Variants in IRF4 observed in about 807,000 individuals in gnomAD.
IRF4 encodes interferon regulatory factor 4, also known as lymphocyte-specific interferon regulatory factor.
In IRF4, 13 loss-of-function variants were observed where a neutral mutation model predicts 55.5. The observed-to-expected ratio is 0.23, with a 90% CI of 0.15 to 0.37. IRF4 has a LOEUF of 0.37. IRF4 is among the 10% of genes least tolerant of loss of function. The probability of loss-of-function intolerance (pLI) is 1.00; values close to 1 mark genes in which losing one functional copy is unlikely to be tolerated. For synonymous variants in IRF4, 249 were observed against 240.7 expected, an observed-to-expected ratio of 1.03 and a Z score of -0.32; for missense variants, 397 against 593.8, an observed-to-expected ratio of 0.67 and a Z score of 3.44.
intron 7 of IRF4, among the ~76,000 whole-genome samples, chr6:403,214 T>G (rs1028976269): frequency 6.6e-6 from 1 of 152,140 alleles, no homozygotes; most frequent in African/African-American, 2.4e-5. Context: ...TTCTTGGGGT[T>G]GGGCATGGTG....
chr6:401,894 C>T lies in IRF4; in HGVS notation c.1099+117C>T, dbSNP rs186297524. 1,472 of 853,236 alleles carry T rather than the reference C, an allele frequency of 1.7e-3. 21 individuals carry two copies. In the African/African-American group the frequency reaches 0.022, roughly 13 times the overall value. 52.9% of individuals were successfully genotyped at this position (853,236 alleles called of 1,614,324 possible). ...GAGGTCTTCCTCCTGTTGACTTCGGCGCCCACTGGGCTTGGGGCTTGACTC... is the reference window on the plus strand; with the variant it reads ...GAGGTCTTCCTCCTGTTGACTTCGGTGCCCACTGGGCTTGGGGCTTGACTC... On this transcript the variant is annotated intron_variant, in intron 7 of 8. Coordinates refer to ENST00000380956, the MANE Select transcript of IRF4 (RefSeq NM_002460.4).
In IRF4 at chr6:397,111, G is replaced by A. The variant is rs1236751116; in HGVS notation, c.496G>A (p.Val166Ile). ...AGCCTCTCCTGCACTCCTTTAGCAGGTTCACAACTACATGATGCCACCCCT... is the reference window on the plus strand; with the variant it reads ...AGCCTCTCCTGCACTCCTTTAGCAGATTCACAACTACATGATGCCACCCCT... ...TPYPSLPAQQ[V>I]HNYMMPPLDR... Residue 166 changes from valine to isoleucine, a missense_variant, in exon 5 of 9, where the codon GTT becomes ATT. Val to Ile is a conservative substitution (Grantham distance 29, BLOSUM62 3). Coordinates refer to ENST00000380956, the MANE Select transcript of IRF4 (RefSeq NM_002460.4). 1.9e-6 allele frequency: 3 copies of A among 1,613,988 alleles called. No individual in the cohort carries two copies. Among genetic ancestry groups the A allele is most frequent in the Non-Finnish European group, 2.5e-6 (3 of 1,180,048 alleles).
At chr6:406,009 T>C (rs1306832953) in intron 8 of IRF4, among the ~76,000 whole-genome samples, 2 of 152,222 alleles carry the variant, frequency 1.3e-5, no homozygotes, top group South Asian at 2.1e-4. Flanking sequence ...CTATTTCTCA[T>C]TGAGAACTGA....
At chr6:403,085 A>G (rs1324888325) in intron 7 of IRF4, among the ~76,000 whole-genome samples, 2 of 152,266 alleles carry the variant, frequency 1.3e-5, no homozygotes, top group Admixed American at 6.5e-5. Flanking sequence ...GACCATAGGA[A>G]GAGGGAGAAC....
At chr6:406,798 T>G (rs1761557589) in intron 8 of IRF4, 2 of 1,220,742 alleles carry the variant, frequency 1.6e-6, no homozygotes, top group Non-Finnish European at 2.1e-6. Flanking sequence ...TCGTCATATA[T>G]AAAATACAGT....
Position 405,003 on chromosome 6 carries a change from TGTG to T in IRF4, c.1100-13_1100-11del. 1.3e-6 allele frequency: 2 copies of T among 1,545,412 alleles called. No individual in the cohort carries two copies. The highest frequency in any genetic ancestry group is 1.8e-6 in the Non-Finnish European group (2 of 1,117,542). The stretch of plus-strand genomic sequence containing the variant: ...GGGTTTCTGAACATGGTCTCTTTCT[TGTG>T]GGCTTCTACAGAGCTGCAAGCGTTT... On this transcript the variant is annotated splice_polypyrimidine_tract_variant and intron_variant, in intron 7 of 8. Transcript: ENST00000380956.
intron 7 of IRF4, among the ~76,000 whole-genome samples, chr6:403,498 G>A (rs755572362): frequency 5.3e-5 from 8 of 152,358 alleles, no homozygotes; most frequent in East Asian, 1.9e-4. Flanking sequence ...TAGAGCCCCC[G>A]TGGTGACTAA....
rs1761606229 is a variant in IRF4, at chr6:408,342, C to T, written c.*744C>T. 8.6e-6 allele frequency: 2 copies of T among 231,830 alleles called. No homozygotes were observed. Among genetic ancestry groups the T allele is most frequent in the South Asian group, 1.8e-4 (1 of 5,524 alleles). The allele number at this position is 231,830 out of a possible 1,614,324, so 14.4% of individuals were successfully genotyped here. A position where few individuals can be genotyped will look rare whatever the true frequency, so the allele number is the denominator to read the frequency against. ...TGCCTGTAGCCTTGGGGAGGCCCAT[C>T]CCCCACCTGCCAGCGGTTTCCTGGT... On this transcript the variant is annotated 3_prime_UTR_variant, in exon 9 of 9. Coordinates refer to ENST00000380956, the MANE Select transcript of IRF4 (RefSeq NM_002460.4).
At chr6:404,834 A>G (rs540109198) in intron 7 of IRF4, among the ~76,000 whole-genome samples, 184 bp from the exon 8 acceptor site, 1 of 152,356 alleles carries the variant, frequency 6.6e-6, no homozygotes, top group East Asian at 1.9e-4. Flanking sequence ...AAAGCACCCA[A>G]AGGAATGCAT....
chr6:402,301 C>G (rs1488169004), intron 7 of IRF4, among the ~76,000 whole-genome samples: 2 of 152,152 alleles, frequency 1.3e-5, no homozygotes, highest in African/African-American at 2.4e-5. Flanking sequence ...TTTTTCAGAA[C>G]CAGTGAGTTT....
intron 6 of IRF4, among the ~76,000 whole-genome samples, chr6:400,221 C>T (rs1307965428): frequency 1.3e-5 from 2 of 152,082 alleles, no homozygotes; most frequent in Non-Finnish European, 2.9e-5. Flanking sequence ...ATGCATGATA[C>T]AGATTAATTA....
rs1761153382 is a variant in IRF4, at chr6:393,026, G to T, written c.-55-72G>T. 1.2e-6 allele frequency: 1 copy of T among 865,770 alleles called. No individual in the cohort carries two copies. The highest frequency in any genetic ancestry group is 1.7e-5 in the African/African-American group (1 of 57,674). 53.6% of individuals were successfully genotyped at this position (865,770 alleles called of 1,614,324 possible). A position where few individuals can be genotyped will look rare whatever the true frequency, so the allele number is the denominator to read the frequency against. ...AAGACTCCGGGGCCTCGTGGTCACT[G>T]GCGCAGGGGATCGGGGCGGGGTGCC... is the stretch of plus-strand genomic sequence containing the variant. On this transcript the variant is annotated intron_variant, in intron 1 of 8. Coordinates refer to ENST00000380956, the MANE Select transcript of IRF4 (RefSeq NM_002460.4). The surrounding 1 kb of genome is among the most constrained non-coding windows in gnomAD (Gnocchi z 5.4).
rs550931360 is a variant in IRF4, at chr6:398,297, A to C, written c.638-531A>C. 4.6e-5 allele frequency among the ~76,000 whole-genome samples: 7 copies of C among 152,380 alleles called. No homozygotes were observed. The South Asian group carries it at 1.4e-3, about 32-fold the overall frequency. ...TGTCTTGAAGCATCGGTAACAGTAA[A>C]TGAAGCAGCAGCAAGATCAGGTGTT... On this transcript the variant is annotated intron_variant, in intron 5 of 8. Coordinates refer to ENST00000380956, the MANE Select transcript of IRF4 (RefSeq NM_002460.4).
chr6:409,939 G>T lies in IRF4; in HGVS notation c.*2341G>T, dbSNP rs191954703. ...AGTGGAGCTGAATTTTCTGGAAAAT[G>T]CTTCTTGGCTGGGGCCACTACCTCC... On this transcript the variant is annotated 3_prime_UTR_variant, in exon 9 of 9. Coordinates refer to ENST00000380956, the MANE Select transcript of IRF4 (RefSeq NM_002460.4). 4 of 229,236 alleles carry T rather than the reference G, an allele frequency of 1.7e-5. No homozygotes were observed. The highest frequency in any genetic ancestry group is 2.2e-5 in the African/African-American group (1 of 45,126). 14.2% of individuals were successfully genotyped at this position (229,236 alleles called of 1,614,324 possible). A position where few individuals can be genotyped will look rare whatever the true frequency, so the allele number is the denominator to read the frequency against.
At chr6:397,056 C>A in intron 4 of IRF4, 52 bp from the exon 5 acceptor site, 2 of 1,544,952 alleles carry the variant, frequency 1.3e-6, no homozygotes, top group Non-Finnish European at 1.7e-6. Flanking sequence ...ACTCCTTTAC[C>A]CCCGTCTCAA....
At position 398,813 on chromosome 6, in the gene IRF4, T is replaced by C. The variant is rs778472060; in HGVS notation, c.638-15T>C. ...CTCTGTCTAGACATCATCTGATTTT[T>C]ATTTGCAAATGCAGGTTGCCAGGTG... On this transcript the variant is annotated splice_polypyrimidine_tract_variant and intron_variant, in intron 5 of 8. Transcript: ENST00000380956. 7.5e-6 allele frequency: 12 copies of C among 1,599,926 alleles called. No individual in the cohort carries two copies. The highest frequency in any genetic ancestry group is 9.4e-6 in the Non-Finnish European group (11 of 1,167,680).
intron 6 of IRF4, among the ~76,000 whole-genome samples, chr6:400,420 C>T (rs568350075): frequency 2.6e-5 from 4 of 152,148 alleles, no homozygotes; most frequent in East Asian, 1.9e-4. Context: ...ATCAGCAAAA[C>T]GTTTGTAAAT....
At position 395,087 on chromosome 6, in the gene IRF4, C is replaced by T. The variant is rs569910593; in HGVS notation, c.403+80C>T. Reference sequence around the variant, plus strand: ...CACCTTAACTTCATTCTGAGCATCACTTTCTAGCTTTCCTTTTGTATTGCC... The same window carrying T: ...CACCTTAACTTCATTCTGAGCATCATTTTCTAGCTTTCCTTTTGTATTGCC... On this transcript the variant is annotated intron_variant, in intron 3 of 8. Coordinates refer to ENST00000380956, the MANE Select transcript of IRF4 (RefSeq NM_002460.4). 15 of 1,122,596 alleles carry T rather than the reference C, an allele frequency of 1.3e-5. No individual in the cohort carries two copies. In the East Asian group the frequency reaches 3.5e-4, roughly 26 times the overall value. The allele number at this position is 1,122,596 out of a possible 1,614,324, so 69.5% of individuals were successfully genotyped here. A position where few individuals can be genotyped will look rare whatever the true frequency, so the allele number is the denominator to read the frequency against.
Position 411,253 on chromosome 6 carries a change from T to C in IRF4, c.*3655T>C, listed in dbSNP as rs1170071208. On this transcript the variant is annotated 3_prime_UTR_variant, in exon 9 of 9. Coordinates refer to ENST00000380956, the MANE Select transcript of IRF4 (RefSeq NM_002460.4). ...ACCCCAGAGGCCCCCAAATGAAAGC[T>C]TGAATTTCCCCTACTGGCTCTGCGT... The C allele has an allele frequency of 2.2e-5, 5 of 229,184 alleles. No individual in the cohort carries two copies. Among genetic ancestry groups the C allele is most frequent in the Non-Finnish European group, 4.3e-5 (5 of 115,414 alleles). The allele number at this position is 229,184 out of a possible 1,614,324, so 14.2% of individuals were successfully genotyped here.
Sources: allele counts gnomAD v4.1 joint callset (sites outside exome capture counted in the v4.1 genomes callset), GRCh38; gene constraint gnomAD v4.1.1; non-coding constraint Gnocchi (gnomAD v3.1); transcripts MANE v1.5; gene names NCBI Gene and HGNC (gene_info 2026-07-23, HGNC 2026-07-21).